The following USP5 variants were observed in gnomAD, a reference collection of about 807,000 sequenced individuals.
USP5 encodes the protein ubiquitin carboxyl-terminal hydrolase 5.
USP5 carries 24 observed loss-of-function variants against 102.5 expected under a neutral mutation model. The ratio of observed to expected loss-of-function variants is 0.23; its 90% CI spans 0.17 to 0.33. The LOEUF is 0.33. Among genes scored for constraint, USP5 ranks in the 10% least tolerant of loss-of-function variants. USP5 has a pLI of 1.00. For synonymous variants in USP5, 460 were observed against 434.8 expected, an observed-to-expected ratio of 1.06 and a Z score of -0.72; for missense variants, 753 against 1,122.1, an observed-to-expected ratio of 0.67 and a Z score of 4.70.
intron 8 of USP5, 56 bp from the exon 9 acceptor site, chr12:6,859,414 C>G: frequency 1.3e-6 from 2 of 1,573,874 alleles, no homozygotes; most frequent in Non-Finnish European, 1.7e-6. Flanking sequence ...GCTTCCTTCC[C>G]TTTTCCTCGG....
In USP5 at chr12:6,855,735, C is replaced by CCCTT; in HGVS notation, c.238-16_238-13dup. ...TCGCTCGTGCTCATTGCTGATCCAG[C>CCCTT]CCTTCCTGCTTCTTTACAGAAAGAG... On this transcript the variant is annotated intron_variant, in intron 2 of 19. Transcript: ENST00000229268. This position sits in a 1 kb window ranked among gnomAD's most constrained non-coding sequence, Gnocchi z 4.6. 1 of 1,614,108 alleles carries CCCTT rather than the reference C, an allele frequency of 6.2e-7. No homozygotes were observed. The highest frequency in any genetic ancestry group is 1.3e-5 in the African/African-American group (1 of 75,062).
intron 6 of USP5, among the ~76,000 whole-genome samples, 185 bp downstream of exon 6, chr12:6,857,076 A>T (rs1184198635): frequency 6.6e-6 from 1 of 152,178 alleles, no homozygotes; most frequent in African/African-American, 2.4e-5. Context: ...GCTTGAGCCT[A>T]GGAGTTCGAG....
chr12:6,858,766 C>A lies in USP5; in HGVS notation c.1058+149C>A, dbSNP rs781912741. ...GGGTGTGTTGGCCCACACCCGTAAT[C>A]CCAGTACTTCGGGAGGCCAAGATGG... On this transcript the variant is annotated intron_variant, in intron 8 of 19. Coordinates refer to ENST00000229268, the MANE Select transcript of USP5 (RefSeq NM_001098536.2). The surrounding 1 kb of genome is among the most constrained non-coding windows in gnomAD (Gnocchi z 4.2). 52 of 704,718 alleles carry A rather than the reference C, an allele frequency of 7.4e-5. No homozygotes were observed. The highest frequency in any genetic ancestry group is 1.1e-4 in the Non-Finnish European group (50 of 450,384). 43.7% of individuals were successfully genotyped at this position (704,718 alleles called of 1,614,324 possible). A position where few individuals can be genotyped will look rare whatever the true frequency, so the allele number is the denominator to read the frequency against.
At position 6,856,691 on chromosome 12, in the gene USP5, C is replaced by T. The variant is rs1565530278; in HGVS notation, c.585-16C>T. 6.2e-7 allele frequency: 1 copy of T among 1,613,382 alleles called. No homozygotes were observed. Among genetic ancestry groups the T allele is most frequent in the Non-Finnish European group, 8.5e-7 (1 of 1,179,740 alleles). ...CCCGACCCACATTTCTGCTGATTCT[C>T]TTCTCTGTGGGTTAGTGGCTGGAAG... On this transcript the variant is annotated splice_polypyrimidine_tract_variant and intron_variant, in intron 5 of 19. Transcript: ENST00000229268. This position sits in a 1 kb window ranked among gnomAD's most constrained non-coding sequence, Gnocchi z 5.6.
At position 6,858,522 on chromosome 12, in the gene USP5, T is replaced by C; in HGVS notation, c.963T>C (p.Phe321=). 1 of 1,613,916 alleles carries C rather than the reference T, an allele frequency of 6.2e-7. No individual in the cohort carries two copies. Among genetic ancestry groups the C allele is most frequent in the Admixed American group, 1.7e-5 (1 of 60,024 alleles). The change falls in exon 8 of 20, where the codon TTT becomes TTC. Residue 321 remains phenylalanine, a synonymous_variant. Transcript: ENST00000229268. This position sits in a 1 kb window ranked among gnomAD's most constrained non-coding sequence, Gnocchi z 4.2. The part of the protein sequence containing the change: ...QESGVPLKPL[F]GPGYTGIRNL... ...CAGGTGTGCCACTCAAGCCCCTGTT[T>C]GGGCCTGGCTACACAGGCATCCGGA...
Position 6,865,144 on chromosome 12 carries a change from C to T in USP5, c.2399-20C>T, listed in dbSNP as rs781924594. 6.3e-7 allele frequency: 1 copy of T among 1,595,928 alleles called. No individual in the cohort carries two copies. The highest frequency in any genetic ancestry group is 8.6e-7 in the Non-Finnish European group (1 of 1,163,782). On this transcript the variant is annotated intron_variant, in intron 18 of 19. Transcript: ENST00000229268. ...ATTCCTCTTCTGTTTCCTTCTCTGA[C>T]CCCCTCTCTCCTTTCCTAGAGTATC...
At chr12:6,859,233 C>G (rs898883288) in intron 8 of USP5, among the ~76,000 whole-genome samples, 2 of 152,214 alleles carry the variant, frequency 1.3e-5, no homozygotes, top group East Asian at 3.8e-4. Context: ...TTATCCTAAT[C>G]CCAGGCTACC....
At position 6,863,772 on chromosome 12, in the gene USP5, A is replaced by G; in HGVS notation, c.1955-58A>G. Reference sequence around the variant, plus strand: ...AAGAGGGCTGGGTCCTGGGGGAGGGAGGAGGAGCAAACAGTGGCCCAATCA... The same window carrying G: ...AAGAGGGCTGGGTCCTGGGGGAGGGGGGAGGAGCAAACAGTGGCCCAATCA... On this transcript the variant is annotated intron_variant, in intron 15 of 19. Coordinates refer to ENST00000229268, the MANE Select transcript of USP5 (RefSeq NM_001098536.2). This position sits in a 1 kb window ranked among gnomAD's most constrained non-coding sequence, Gnocchi z 4.7. 1 of 1,510,710 alleles carries G rather than the reference A, an allele frequency of 6.6e-7. No individual in the cohort carries two copies. The allele number at this position is 1,510,710 out of a possible 1,614,324, so 93.6% of individuals were successfully genotyped here. A position where few individuals can be genotyped will look rare whatever the true frequency, so the allele number is the denominator to read the frequency against.
At position 6,856,597 on chromosome 12, in the gene USP5, A is replaced by G. The variant is rs1464528282; in HGVS notation, c.585-110A>G. Reference sequence around the variant, plus strand: ...AACACGACATGGGGATGGCCAGAGGAGAAGAGAGAGAGACCTTGGATTGGC... The same window carrying G: ...AACACGACATGGGGATGGCCAGAGGGGAAGAGAGAGAGACCTTGGATTGGC... On this transcript the variant is annotated intron_variant, in intron 5 of 19. Transcript: ENST00000229268. This position sits in a 1 kb window ranked among gnomAD's most constrained non-coding sequence, Gnocchi z 5.6. 7.8e-6 allele frequency: 12 copies of G among 1,535,296 alleles called. No individual in the cohort carries two copies. Among genetic ancestry groups the G allele is most frequent in the East Asian group, 4.5e-5 (2 of 44,184 alleles).
Position 6,860,317 on chromosome 12 carries a change from C to T in USP5, c.1219-49C>T. 6.2e-7 allele frequency: 1 copy of T among 1,613,772 alleles called. No homozygotes were observed. The highest frequency in any genetic ancestry group is 8.5e-7 in the Non-Finnish European group (1 of 1,179,762). ...TCTGGGAGATGTCTAAAGAAGGCCC[C>T]TGGATGGCCACTGAGCCCCAGCTGA... On this transcript the variant is annotated intron_variant, in intron 10 of 19. Coordinates refer to ENST00000229268, the MANE Select transcript of USP5 (RefSeq NM_001098536.2). The surrounding 1 kb of genome is among the most constrained non-coding windows in gnomAD (Gnocchi z 5.5).
In USP5 at chr12:6,861,996, C is replaced by A. The variant is rs782105541; in HGVS notation, c.1673+379C>A. The stretch of plus-strand genomic sequence containing the variant: ...ATTGGCACCTGGCATGGGTGTGAGA[C>A]CTGAAAAAGGGCTTTGGTCTCGGGG... On this transcript the variant is annotated intron_variant, in intron 13 of 19. Transcript: ENST00000229268. The surrounding 1 kb of genome is among the most constrained non-coding windows in gnomAD (Gnocchi z 4.9). Among the ~76,000 whole-genome samples the A allele has an allele frequency of 6.6e-6, 1 of 152,050 alleles. No homozygotes were observed. Among genetic ancestry groups the A allele is most frequent in the East Asian group, 1.9e-4 (1 of 5,180 alleles).
rs1275074612 is a variant in USP5, at chr12:6,863,450, CT to C, written c.1954+74del. On this transcript the variant is annotated intron_variant, in intron 15 of 19. Transcript: ENST00000229268. This position sits in a 1 kb window ranked among gnomAD's most constrained non-coding sequence, Gnocchi z 4.7. ...CCTCTCTGCCTTGCATCCCCTGCCC[CT>C]GTCCTTTGTGTTTCTCCTGTCCTCC... 8 of 1,506,600 alleles carry C rather than the reference CT, an allele frequency of 5.3e-6. No homozygotes were observed. Among genetic ancestry groups the C allele is most frequent in the African/African-American group, 1.4e-5 (1 of 72,120 alleles). The allele number at this position is 1,506,600 out of a possible 1,614,324, so 93.3% of individuals were successfully genotyped here. A position where few individuals can be genotyped will look rare whatever the true frequency, so the allele number is the denominator to read the frequency against.
At position 6,860,200 on chromosome 12, in the gene USP5, C is replaced by G. The variant is rs782402534; in HGVS notation, c.1180C>G (p.Pro394Ala). Reference sequence around the variant, plus strand: ...CTCCGGGGAGTATTCCAAGCCAGTACCGGAGTCGGGCGATGGGGAGCGGGT... The same window carrying G: ...CTCCGGGGAGTATTCCAAGCCAGTAGCGGAGTCGGGCGATGGGGAGCGGGT... Reference protein sequence around the residue: ...LLSGEYSKPVPESGDGERVPE... With the variant: ...LLSGEYSKPVAESGDGERVPE... The change falls in exon 10 of 20, where the codon CCG becomes GCG. Residue 394 changes from proline to alanine, a missense_variant. Around this residue, in one of 3 missense-constraint regions of USP5, gnomAD observed 527 missense variants for 816.5 expected, o/e 0.65. Coordinates refer to ENST00000229268, the MANE Select transcript of USP5 (RefSeq NM_001098536.2). The surrounding 1 kb of genome is among the most constrained non-coding windows in gnomAD (Gnocchi z 5.5). The G allele has an allele frequency of 2.5e-6, 4 of 1,608,372 alleles. 1 individual carries two copies. In the East Asian group the frequency reaches 8.9e-5, roughly 36 times the overall value.
chr12:6,865,223 G>A lies in USP5; in HGVS notation c.2458G>A (p.Val820Ile), dbSNP rs782621306. 1.1e-5 allele frequency: 17 copies of A among 1,613,682 alleles called. No individual in the cohort carries two copies. The highest frequency in any genetic ancestry group is 1.7e-5 in the Admixed American group (1 of 60,000). ...CACCTCTACCATGTGTGGTCACTAC[G>A]TCTGCCACATCAAGAAAGAAGGCAG... Reference protein sequence around the residue: ...MGTSTMCGHYVCHIKKEGRWV... With the variant: ...MGTSTMCGHYICHIKKEGRWV... Residue 820 changes from valine (V) to isoleucine (I), a missense_variant, in exon 19 of 20, where the codon GTC becomes ATC. Physicochemically the swap from Val to Ile is conservative, Grantham distance 29 (BLOSUM62 3). This residue lies in a region of USP5 where 33 missense variants were observed against 75.3 expected (regional missense o/e 0.44). Transcript: ENST00000229268.
chr12:6,855,889 A>T lies in USP5; in HGVS notation c.304+68A>T. On this transcript the variant is annotated intron_variant, in intron 3 of 19. Coordinates refer to ENST00000229268, the MANE Select transcript of USP5 (RefSeq NM_001098536.2). This position sits in a 1 kb window ranked among gnomAD's most constrained non-coding sequence, Gnocchi z 4.6. Reference sequence around the variant, plus strand: ...TTCTGGCTCTCAGCAGCACCAGGAAAGCCCCAAAGAGTGGGCCTGATTGAT... The same window carrying T: ...TTCTGGCTCTCAGCAGCACCAGGAATGCCCCAAAGAGTGGGCCTGATTGAT... 6.2e-7 allele frequency: 1 copy of T among 1,611,046 alleles called. No homozygotes were observed.
Position 6,856,918 on chromosome 12 carries a change from C to T in USP5, c.769+27C>T, listed in dbSNP as rs782295839. On this transcript the variant is annotated intron_variant, in intron 6 of 19. Transcript: ENST00000229268. The surrounding 1 kb of genome is among the most constrained non-coding windows in gnomAD (Gnocchi z 5.6). ...TACAGCCTCCCCTCCTCCAGCCACTCTCATGCTTAAATATATTTCATTTGT... is the reference window on the plus strand; with the variant it reads ...TACAGCCTCCCCTCCTCCAGCCACTTTCATGCTTAAATATATTTCATTTGT... The T allele has an allele frequency of 8.1e-6, 13 of 1,606,822 alleles. No individual in the cohort carries two copies. In the East Asian group the frequency reaches 2.7e-4, roughly 33 times the overall value.
In USP5 at chr12:6,858,073, G is replaced by A. The variant is rs1591606789; in HGVS notation, c.864+350G>A. Among the ~76,000 whole-genome samples the A allele has an allele frequency of 1.3e-5, 2 of 152,354 alleles. No individual in the cohort carries two copies. Among genetic ancestry groups the A allele is most frequent in the East Asian group, 3.9e-4 (2 of 5,186 alleles). ...GGGTACTACAGTAATTGACAGCAGG[G>A]TGGCCTGGCCTAGTTTAGGGATCAG... On this transcript the variant is annotated intron_variant, in intron 7 of 19. Transcript: ENST00000229268. This position sits in a 1 kb window ranked among gnomAD's most constrained non-coding sequence, Gnocchi z 4.2.
intron 1 of USP5, among the ~76,000 whole-genome samples, chr12:6,853,790 A>G (rs1345170549): frequency 6.6e-6 from 1 of 152,238 alleles, no homozygotes; most frequent in Non-Finnish European, 1.5e-5. Flanking sequence ...GGCTCATGGT[A>G]GAAAGAGCTT....
chr12:6,858,371 A>C lies in USP5; in HGVS notation c.865-53A>C. ...CTAGACTCAGTGAGAGATCGAGGTA[A>C]AAACTACAGGGTTGAGTTTCTCACT... On this transcript the variant is annotated intron_variant, in intron 7 of 19. Transcript: ENST00000229268. The surrounding 1 kb of genome is among the most constrained non-coding windows in gnomAD (Gnocchi z 4.2). 1.3e-6 allele frequency: 2 copies of C among 1,568,866 alleles called. No individual in the cohort carries two copies. Among genetic ancestry groups the C allele is most frequent in the Non-Finnish European group, 1.7e-6 (2 of 1,144,884 alleles).
Sources: allele counts gnomAD v4.1 joint callset (sites outside exome capture counted in the v4.1 genomes callset), GRCh38; gene constraint gnomAD v4.1.1; regional missense constraint gnomAD v4.1.1; non-coding constraint Gnocchi (gnomAD v3.1); transcripts MANE v1.5; gene names NCBI Gene and HGNC (gene_info 2026-07-23, HGNC 2026-07-21).